The following WWC2 variants were observed in gnomAD, a reference collection of about 807,000 sequenced individuals.
WWC2 encodes protein WWC2.
In WWC2, 101 loss-of-function variants were observed where a neutral mutation model predicts 138.5. The observed-to-expected ratio is 0.73, with a 90% CI of 0.62 to 0.86. The LOEUF (loss-of-function observed/expected upper bound fraction) is 0.86. WWC2 is among the 40% of genes least tolerant of loss of function. The probability of loss-of-function intolerance (pLI) is 0.00; values close to 1 mark genes in which losing one functional copy is unlikely to be tolerated. For synonymous variants in WWC2, 558 were observed against 538.4 expected (o/e 1.04, Z -0.50); for missense variants, 1,420 against 1,419.4 (o/e 1.00, Z -0.01).
Position 183,261,167 on chromosome 4 carries a change from G to A in WWC2, c.1544G>A (p.Ser515Asn). 1.2e-6 allele frequency: 2 copies of A among 1,613,740 alleles called. No individual in the cohort carries two copies. The highest frequency in any genetic ancestry group is 8.5e-7 in the Non-Finnish European group (1 of 1,179,794). Residue 515 changes from serine (S) to asparagine (N), a missense_variant, in exon 11 of 23, where the codon AGC (serine) becomes AAC (asparagine). Physicochemically the swap from Ser to Asn is conservative, Grantham distance 46. Coordinates refer to ENST00000403733, the MANE Select transcript of WWC2 (RefSeq NM_024949.6). ...GAAAACGAGGTGGTCAAGTCCCCTA[G>A]CCAGCCTGGCCAGAGTGGACTCTGT... is the stretch of plus-strand genomic sequence containing the variant. ...IHENEVVKSPSQPGQSGLCGV... is the reference protein window; with the variant it reads ...IHENEVVKSPNQPGQSGLCGV...
rs566619635 is a variant in WWC2, at chr4:183,180,033, A to G, written c.132-13566A>G. On this transcript the variant is annotated intron_variant, in intron 1 of 22. Coordinates refer to ENST00000403733, the MANE Select transcript of WWC2 (RefSeq NM_024949.6). ...TTGGGAAAACATGATGTCTTCCCCA[A>G]GAAGATGATGTTTGAATTAATTTTT... Among the ~76,000 whole-genome samples the G allele has an allele frequency of 3.3e-4, 50 of 152,324 alleles. No individual in the cohort carries two copies. The Middle Eastern group carries it at 0.01, about 31-fold the overall frequency.
intron 21 of WWC2, among the ~76,000 whole-genome samples, chr4:183,309,549 G>A (rs1003519160): frequency 2.0e-5 from 3 of 152,182 alleles, no homozygotes; most frequent in Non-Finnish European, 2.9e-5. Context: ...CTGTTAGAGC[G>A]GCCAAGATGC....
chr4:183,246,504 AAAATAAT>A (rs1224603744), intron 6 of WWC2, among the ~76,000 whole-genome samples: 85 of 152,346 alleles, frequency 5.6e-4, no homozygotes, highest in African/African-American at 1.9e-3. Context: ...AGAAGAATAT[AAAATAAT>A]ATAGAAAAGA....
In WWC2 at chr4:183,301,800, C is replaced by T. The variant is rs535425308; in HGVS notation, c.3385-10541C>T. On this transcript the variant is annotated intron_variant, in intron 21 of 22. Coordinates refer to ENST00000403733, the MANE Select transcript of WWC2 (RefSeq NM_024949.6). ...ACTATATAAAGCAAAAACTAGAAGT[C>T]CTTCTTGGAGTTGTACTTCCCAGAG... 3.3e-5 allele frequency among the ~76,000 whole-genome samples: 5 copies of T among 152,262 alleles called. No individual in the cohort carries two copies. In the South Asian group the frequency reaches 8.3e-4, roughly 25 times the overall value.
intron 1 of WWC2, among the ~76,000 whole-genome samples, chr4:183,162,314 C>T (rs939540012): frequency 6.6e-6 from 1 of 152,064 alleles, no homozygotes; most frequent in African/African-American, 2.4e-5. Flanking sequence ...GAATTTTAAA[C>T]GTTTTGATAA....
intron 1 of WWC2, among the ~76,000 whole-genome samples, chr4:183,105,893 A>G (rs1743340244): frequency 1.3e-5 from 2 of 151,962 alleles, no homozygotes; most frequent in Non-Finnish European, 2.9e-5. Flanking sequence ...CTGTCTTAAA[A>G]AAAAAAAAAA....
intron 1 of WWC2, among the ~76,000 whole-genome samples, chr4:183,156,544 C>T (rs1733811150): frequency 6.6e-6 from 1 of 151,976 alleles, no homozygotes; most frequent in South Asian, 2.1e-4. Context: ...GTTGGCCAGA[C>T]TGTTTTCGAA....
intron 1 of WWC2, among the ~76,000 whole-genome samples, chr4:183,135,543 A>G (rs1733083463): frequency 6.6e-6 from 1 of 150,902 alleles, no homozygotes; most frequent in African/African-American, 2.4e-5. Flanking sequence ...CAGTACTTTA[A>G]TTATATATAT....
intron 21 of WWC2, 93 bp from the exon 22 acceptor site, chr4:183,312,247 CT>C: frequency 6.5e-7 from 1 of 1,547,406 alleles, no homozygotes; most frequent in Non-Finnish European, 8.8e-7. Flanking sequence ...GCCCTCCTGA[CT>C]TTAGTCCACA....
At chr4:183,174,275 G>C (rs1180349634) in intron 1 of WWC2, among the ~76,000 whole-genome samples, 3 of 152,186 alleles carry the variant, frequency 2.0e-5, no homozygotes, top group African/African-American at 7.2e-5. Flanking sequence ...GCAGGCAGGG[G>C]GTCTGACTGC....
chr4:183,171,705 C>T (rs4351062), intron 1 of WWC2, among the ~76,000 whole-genome samples: 1 of 152,074 alleles, frequency 6.6e-6, no homozygotes, highest in East Asian at 1.9e-4. Flanking sequence ...TACTCTCCCC[C>T]ACACTTGATT....
intron 20 of WWC2, among the ~76,000 whole-genome samples, chr4:183,286,427 T>C (rs1364144852): frequency 2.6e-5 from 4 of 152,140 alleles, no homozygotes; most frequent in Admixed American, 6.5e-5. Flanking sequence ...TAAGACCTGG[T>C]ACCTTTTCTG....
intron 21 of WWC2, among the ~76,000 whole-genome samples, chr4:183,294,723 C>T (rs1309083728): frequency 6.6e-6 from 1 of 151,616 alleles, no homozygotes; most frequent in Admixed American, 6.6e-5. Context: ...TGAAGACCTT[C>T]TTTGAAAAGT....
intron 21 of WWC2, among the ~76,000 whole-genome samples, chr4:183,302,255 T>G (rs1356131070): frequency 6.6e-6 from 1 of 152,228 alleles, no homozygotes; most frequent in East Asian, 1.9e-4. Context: ...TCGAGCCTTT[T>G]AAGCCTGAAG....
intron 2 of WWC2, among the ~76,000 whole-genome samples, chr4:183,205,319 T>C (rs1735418620): frequency 6.6e-6 from 1 of 152,254 alleles, no homozygotes; most frequent in South Asian, 2.1e-4. Context: ...ATTAGTGATG[T>C]TGAGTCTCCT....
At chr4:183,125,174 T>A (rs17074419) in intron 1 of WWC2, among the ~76,000 whole-genome samples, 8,308 of 152,210 alleles carry the variant, frequency 0.055, 337 homozygotes, top group African/African-American at 0.11. Context: ...CAAATAAGGC[T>A]TGTTTCCTGG....
At chr4:183,234,194 A>G (rs62356739) in intron 4 of WWC2, among the ~76,000 whole-genome samples, 14,938 of 152,260 alleles carry the variant, frequency 0.098, 995 homozygotes, top group Middle Eastern at 0.18. Context: ...ACCACGTTTA[A>G]TCACAGTATC....
Position 183,319,544 on chromosome 4 carries a change from G to T in WWC2, c.*3815G>T. ...AGCGTCTCCTGAACAGCAGACGCTT[G>T]TCCTTTCTGGCTTAGTGTTTCAGGT... On this transcript the variant is annotated 3_prime_UTR_variant, in exon 23 of 23. Coordinates refer to ENST00000403733, the MANE Select transcript of WWC2 (RefSeq NM_024949.6). The T allele has an allele frequency of 6.2e-7, 1 of 1,600,366 alleles. No homozygotes were observed. The highest frequency in any genetic ancestry group is 1.3e-5 in the African/African-American group (1 of 74,570).
At chr4:183,107,930 A>G (rs769434398) in intron 1 of WWC2, among the ~76,000 whole-genome samples, 51 of 152,160 alleles carry the variant, frequency 3.4e-4, no homozygotes, top group Admixed American at 8.5e-4. Flanking sequence ...CTATATTCCT[A>G]TATTTCAGTT....
Sources: gnomAD v4.1 joint callset for allele counts (sites outside exome capture counted in the v4.1 genomes callset) on GRCh38, gnomAD v4.1.1 for gene constraint, MANE v1.5 for transcripts, NCBI Gene and HGNC (gene_info 2026-07-23, HGNC 2026-07-21) for gene names.